FAM53A: variants seen among roughly 807,000 people sequenced by gnomAD.
The protein encoded by FAM53A is protein FAM53A.
In FAM53A, 28 loss-of-function variants were observed where a neutral mutation model predicts 26.6. The ratio of observed to expected loss-of-function variants is 1.05; its 90% CI spans 0.78 to 1.45. The LOEUF (loss-of-function observed/expected upper bound fraction) is 1.45. FAM53A is among the 40% of genes most tolerant of loss of function. The pLI, the probability that FAM53A is intolerant of heterozygous loss-of-function variation, is 0.00. For missense variants in FAM53A, 650 were observed against 575.8 expected, an observed-to-expected ratio of 1.13 and a Z score of -1.32; for synonymous variants, 290 against 253.1, an observed-to-expected ratio of 1.15 and a Z score of -1.38.
chr4:1,642,002 G>A (rs981013637), intron 4 of FAM53A, among the ~76,000 whole-genome samples: 3 of 152,128 alleles, frequency 2.0e-5, no homozygotes, highest in Admixed American at 6.5e-5. Flanking sequence ...TCCAGAGAGG[G>A]TGCCTTGTGC....
intron 1 of FAM53A, among the ~76,000 whole-genome samples, chr4:1,679,596 G>A (rs1715269747): frequency 6.8e-6 from 1 of 146,490 alleles, no homozygotes; most frequent in South Asian, 2.2e-4. Context: ...TGAGGCAGGA[G>A]AATCCCTTGA....
chr4:1,590,955 C>CATATATACATATACATAT, the FAM53A span, among the ~76,000 whole-genome samples: 1 of 46,280 alleles, frequency 2.2e-5, no homozygotes. Context: ...TTATTTAATG[C>CATATATACATATACATAT]ATATATATAT....
intron 4 of FAM53A, chr4:1,644,039 C>T (rs1384268704): frequency 3.9e-6 from 4 of 1,033,972 alleles, no homozygotes; most frequent in East Asian, 2.6e-5. Context: ...TGCTGGATGG[C>T]GTGGAGGTCC....
the FAM53A span, among the ~76,000 whole-genome samples, chr4:1,608,879 G>A: frequency 6.6e-6 from 1 of 152,114 alleles, no homozygotes; most frequent in African/African-American, 2.4e-5. Flanking sequence ...GTGAATCCTC[G>A]TATGCTGGGC....
chr4:1,661,719 C>T (rs999226824), intron 2 of FAM53A, among the ~76,000 whole-genome samples: 4 of 152,080 alleles, frequency 2.6e-5, no homozygotes, highest in African/African-American at 9.7e-5. Context: ...GGCAGCTCAG[C>T]GAGGCACCCG....
At position 1,678,465 on chromosome 4, in the gene FAM53A, A is replaced by T. The variant is rs531197971; in HGVS notation, c.-165+5768T>A. Among the ~76,000 whole-genome samples, 4 of 152,338 alleles carry T rather than the reference A, an allele frequency of 2.6e-5. No individual in the cohort carries two copies. The East Asian group carries it at 7.7e-4, about 29-fold the overall frequency. On this transcript the variant is annotated intron_variant, in intron 1 of 4. Transcript: ENST00000308132. ...GATCTTTGACCAAGGAGCAATGGTA[A>T]TACAATAGAGAACAGAGAGTCTTTT...
intron 1 of FAM53A, among the ~76,000 whole-genome samples, chr4:1,625,849 C>T (rs1715275573): frequency 6.6e-6 from 1 of 152,250 alleles, no homozygotes; most frequent in Non-Finnish European, 1.5e-5. Context: ...TTGGGGGAGA[C>T]TGAAGCCACC....
At chr4:1,629,098 G>C (rs551332226) in intron 1 of FAM53A, among the ~76,000 whole-genome samples, 1 of 151,938 alleles carries the variant, frequency 6.6e-6, no homozygotes, top group Non-Finnish European at 1.5e-5. Context: ...ACAGCACCTC[G>C]ATCCCCTCCA....
At chr4:1,652,922 T>TCACCACACACACCCC (rs1238098042) in intron 4 of FAM53A, among the ~76,000 whole-genome samples, 1 of 120,614 alleles carries the variant, frequency 8.3e-6, no homozygotes, top group African/African-American at 3.3e-5. Context: ...CAGACAGCAC[T>TCACCACACACACCCC]CACCACACAC....
intron 4 of FAM53A, among the ~76,000 whole-genome samples, chr4:1,648,334 G>A (rs954048233): frequency 6.6e-6 from 1 of 152,212 alleles, no homozygotes; most frequent in African/African-American, 2.4e-5. Flanking sequence ...GGTGAAGACT[G>A]GTTGGCTGAC....
Position 1,655,486 on chromosome 4 carries a change from G to C in FAM53A, c.374C>G (p.Ser125Ter), listed in dbSNP as rs371246540. Residue 125 changes from serine (S) to a stop codon, truncating the protein, a stop_gained, in exon 4 of 5, where the codon TCA becomes TGA. Coordinates refer to ENST00000308132, the MANE Select transcript of FAM53A (RefSeq NM_001174070.3). LOFTEE classifies it high-confidence loss of function. The stretch of plus-strand genomic sequence containing the variant: ...GCAGCGCACAAGCTCCTCGGGTTCT[G>C]ACAAGGACCGGCAATGCCGCTTGGT... ...PPTKRHCRSL[S>*]EPEELVRCRS... is the part of the protein sequence containing the mutation. 1 of 1,576,058 alleles carries C rather than the reference G, an allele frequency of 6.3e-7. No homozygotes were observed. Among genetic ancestry groups the C allele is most frequent in the Non-Finnish European group, 8.6e-7 (1 of 1,159,664 alleles).
At chr4:1,653,054 C>A (rs1248415354) in intron 4 of FAM53A, among the ~76,000 whole-genome samples, 1 of 151,206 alleles carries the variant, frequency 6.6e-6, no homozygotes, top group Non-Finnish European at 1.5e-5. Flanking sequence ...AGACCACACA[C>A]CACCCATAGA....
intron 1 of FAM53A, among the ~76,000 whole-genome samples, chr4:1,678,478 C>G (rs1715190119): frequency 6.6e-6 from 1 of 152,186 alleles, no homozygotes; most frequent in African/African-American, 2.4e-5. Flanking sequence ...CAATAGAGAA[C>G]AGAGAGTCTT....
downstream of FAM53A, among the ~76,000 whole-genome samples, chr4:1,635,039 A>C (rs573785219): frequency 6.6e-5 from 10 of 152,304 alleles, no homozygotes; most frequent in Admixed American, 6.5e-4. Flanking sequence ...AGTTTTTAGC[A>C]ATTTTTTCCA....
the FAM53A span, among the ~76,000 whole-genome samples, chr4:1,587,167 C>T: frequency 6.4e-3 from 975 of 152,262 alleles, 2 homozygotes; most frequent in Non-Finnish European, 9.5e-3. Flanking sequence ...AGTTTATAAC[C>T]ATTTTCTCCC....
At position 1,624,139 on chromosome 4, in the gene FAM53A, C is replaced by T. The variant is rs938146421; in HGVS notation, c.432-6028G>A. ...CCCTGAGGCATAGAAGAGCCCCTTG[C>T]TCAGTGGGGCCAGGGAGGGCTGGCA... On this transcript the variant is annotated intron_variant, in intron 1 of 1. Transcript: ENST00000489029. Among the ~76,000 whole-genome samples, 24 of 152,252 alleles carry T rather than the reference C, an allele frequency of 1.6e-4. 1 individual carries two copies. The highest frequency in any genetic ancestry group is 3.5e-4 in the Non-Finnish European group (24 of 68,038).
At chr4:1,622,685 G>A (rs1034911946) in intron 1 of FAM53A, among the ~76,000 whole-genome samples, 29 of 152,234 alleles carry the variant, frequency 1.9e-4, no homozygotes, top group Non-Finnish European at 5.9e-5. Flanking sequence ...CGCTCGGGGA[G>A]GGAGGTCGGG....
chr4:1,654,861 C>T (rs1398881171), intron 4 of FAM53A, 117 bp downstream of exon 4: 12 of 1,375,754 alleles, frequency 8.7e-6, no homozygotes, highest in African/African-American at 1.5e-5. Context: ...TCCTCCCAGC[C>T]CAGAGAAGAC....
At chr4:1,628,027 G>A (rs550079378) in intron 1 of FAM53A, among the ~76,000 whole-genome samples, 1 of 140,834 alleles carries the variant, frequency 7.1e-6, no homozygotes, top group South Asian at 2.4e-4. Context: ...CCTGGGTGGG[G>A]AGGGTGGCAC....
Sources: allele counts gnomAD v4.1 joint callset (sites outside exome capture counted in the v4.1 genomes callset), GRCh38; gene constraint gnomAD v4.1.1; transcripts MANE v1.5; gene names NCBI Gene and HGNC (gene_info 2026-07-23, HGNC 2026-07-21).